Variants in CD2AP observed in about 807,000 individuals in gnomAD.
The protein encoded by CD2AP is CD2 associated protein.
A neutral mutation model predicts 85.1 loss-of-function variants in CD2AP; 46 were observed. That is an observed-to-expected ratio of 0.54 (90% CI 0.43 to 0.69). The LOEUF is 0.69. Ranked by LOEUF, CD2AP falls within the 30% of genes least tolerant of loss-of-function variation. The probability of loss-of-function intolerance (pLI) is 0.00; values close to 1 mark genes in which losing one functional copy is unlikely to be tolerated. For synonymous variants in CD2AP, 255 were observed against 252.9 expected (o/e 1.01, Z -0.08); for missense variants, 769 against 729.5 (o/e 1.05, Z -0.62).
intron 2 of CD2AP, among the ~76,000 whole-genome samples, chr6:47,528,595 T>C (rs1766788525): frequency 6.6e-6 from 1 of 152,228 alleles, no homozygotes; most frequent in Admixed American, 6.5e-5. Context: ...TTATTAAGTA[T>C]TTTAGTGCCT....
At chr6:47,508,833 G>A (rs1766246336) in intron 2 of CD2AP, among the ~76,000 whole-genome samples, 1 of 151,914 alleles carries the variant, frequency 6.6e-6, no homozygotes, top group African/African-American at 2.4e-5. Context: ...GTGTGAGCCT[G>A]GCCTCACACT....
At chr6:47,512,215 G>T (rs563712607) in intron 2 of CD2AP, among the ~76,000 whole-genome samples, 37 of 151,804 alleles carry the variant, frequency 2.4e-4, no homozygotes, top group African/African-American at 8.7e-4. Context: ...GGTGACATGC[G>T]CCTGTAGTCC....
chr6:47,509,802 G>A (rs562424687), intron 2 of CD2AP, among the ~76,000 whole-genome samples: 2 of 152,258 alleles, frequency 1.3e-5, no homozygotes, highest in East Asian at 1.9e-4. Flanking sequence ...TATTTTGGCG[G>A]ACTACAGTAA....
intron 17 of CD2AP, among the ~76,000 whole-genome samples, chr6:47,623,364 T>C (rs1769815107): frequency 6.6e-6 from 1 of 152,056 alleles, no homozygotes. Flanking sequence ...CAGGGAAAGG[T>C]TAAAGATGAT....
chr6:47,612,487 A>G lies in CD2AP; in HGVS notation c.1829A>G (p.Lys610Arg), dbSNP rs1364144634. 4 of 1,604,212 alleles carry G rather than the reference A, an allele frequency of 2.5e-6. No homozygotes were observed. The highest frequency in any genetic ancestry group is 3.4e-6 in the Non-Finnish European group (4 of 1,171,404). The change falls in exon 17 of 18, where the codon AAA becomes AGA. Residue 610 changes from lysine to arginine, a missense_variant. By Grantham distance (26) the Lys-to-Arg change is conservative. Transcript: ENST00000359314. ...TTTGTTTTTAGGAAAGAACTGGAAA[A>G]ACTGCGAAAAGATTTGGAAGAAGAG... is the stretch of plus-strand genomic sequence containing the variant. ...LKKDHGKELEKLRKDLEEEKT... is the reference protein window; with the variant it reads ...LKKDHGKELERLRKDLEEEKT...
chr6:47,617,052 C>CA (rs1423760396), intron 17 of CD2AP, among the ~76,000 whole-genome samples: 2 of 152,142 alleles, frequency 1.3e-5, no homozygotes, highest in African/African-American at 4.8e-5. Context: ...ACTGCAACCT[C>CA]AAACTCCTGG....
intron 5 of CD2AP, chr6:47,562,930 A>G (rs1767900370): frequency 3.3e-6 from 2 of 610,358 alleles, no homozygotes; most frequent in Non-Finnish European, 3.0e-6. Flanking sequence ...CCCTATAAAG[A>G]AATTGGTTGT....
chr6:47,485,254 C>T (rs545008547), intron 1 of CD2AP, among the ~76,000 whole-genome samples: 5 of 151,990 alleles, frequency 3.3e-5, no homozygotes, highest in African/African-American at 9.7e-5. Context: ...GCATTGTTAT[C>T]GTAGGTGATG....
chr6:47,507,633 G>C (rs989943450), intron 2 of CD2AP, among the ~76,000 whole-genome samples: 2 of 152,178 alleles, frequency 1.3e-5, no homozygotes, highest in Admixed American at 6.5e-5. Context: ...TTTCAGTAGA[G>C]ATGGGCTTTC....
At chr6:47,500,316 C>T (rs1255813780) in intron 1 of CD2AP, among the ~76,000 whole-genome samples, 2 of 152,198 alleles carry the variant, frequency 1.3e-5, no homozygotes, top group South Asian at 2.1e-4. Context: ...TGTGAGCCTA[C>T]GTTTTCTGAA....
Position 47,552,148 on chromosome 6 carries a change from T to A in CD2AP, c.421-2498T>A, listed in dbSNP as rs550286631. Among the ~76,000 whole-genome samples the A allele has an allele frequency of 1.6e-4, 25 of 152,156 alleles. No homozygotes were observed. The South Asian group carries it at 3.1e-3, about 19-fold the overall frequency. ...TGCAGTCTGTTTTTTTTAAATTTTT[T>A]AATTTTTTTATTTCAATAGGTGTTT... On this transcript the variant is annotated intron_variant, in intron 4 of 17. Coordinates refer to ENST00000359314, the MANE Select transcript of CD2AP (RefSeq NM_012120.3).
intron 17 of CD2AP, among the ~76,000 whole-genome samples, chr6:47,623,835 TTTA>T (rs1156493365): frequency 6.6e-6 from 1 of 152,228 alleles, no homozygotes; most frequent in East Asian, 1.9e-4. Flanking sequence ...GTATCCTTTG[TTTA>T]ATTATAGATA....
At chr6:47,556,782 C>T (rs530566286) in intron 5 of CD2AP, among the ~76,000 whole-genome samples, 1 of 151,954 alleles carries the variant, frequency 6.6e-6, no homozygotes, top group African/African-American at 2.4e-5. Context: ...CTGCATTAAA[C>T]ATATGTGTGT....
At chr6:47,574,008 T>C (rs1247891713) in intron 5 of CD2AP, 56 bp from the exon 6 acceptor site, 2 of 1,427,672 alleles carry the variant, frequency 1.4e-6, no homozygotes, top group South Asian at 2.3e-5. Flanking sequence ...TATGACAGGA[T>C]GTCAAGCGTT....
chr6:47,612,426 A>G, intron 16 of CD2AP, 47 bp from the exon 17 acceptor site: 1 of 1,350,516 alleles, frequency 7.4e-7, no homozygotes, highest in Non-Finnish European at 1.1e-6. Flanking sequence ...TAGTCAAATA[A>G]ATTATTTAAT....
At chr6:47,612,744 G>A (rs1316015808) in intron 17 of CD2AP, among the ~76,000 whole-genome samples, 2 of 152,100 alleles carry the variant, frequency 1.3e-5, no homozygotes, top group African/African-American at 4.8e-5. Flanking sequence ...ATTATGTTAA[G>A]CCAGGCACAG....
chr6:47,579,334 T>TTAA (rs1562041304), intron 8 of CD2AP, 51 bp from the exon 9 acceptor site: 23 of 803,170 alleles, frequency 2.9e-5, no homozygotes, highest in South Asian at 1.7e-4. Flanking sequence ...CACTTTATCT[T>TTAA]AAAAAAAAAA....
chr6:47,494,495 A>C (rs1192585413), intron 1 of CD2AP, among the ~76,000 whole-genome samples: 1 of 152,184 alleles, frequency 6.6e-6, no homozygotes, highest in Admixed American at 6.5e-5. Flanking sequence ...AAATCAGGGA[A>C]ATTCCCATTC....
chr6:47,595,757 T>C (rs1768922481), intron 11 of CD2AP, 104 bp from the exon 12 acceptor site: 1 of 844,398 alleles, frequency 1.2e-6, no homozygotes, highest in South Asian at 1.5e-5. Context: ...TGAAAGTTCA[T>C]GTCTGCCTCT....
Sources: gnomAD v4.1 joint callset for allele counts (sites outside exome capture counted in the v4.1 genomes callset) on GRCh38, gnomAD v4.1.1 for gene constraint, MANE v1.5 for transcripts, NCBI Gene and HGNC (gene_info 2026-07-23, HGNC 2026-07-21) for gene names.